The following MOXD1 variants were observed in gnomAD, a reference collection of about 807,000 sequenced individuals.
The protein encoded by MOXD1 is DBH-like monooxygenase protein 1.
A neutral mutation model predicts 66.6 loss-of-function variants in MOXD1; 62 were observed. That is an observed-to-expected ratio of 0.93 (90% CI 0.76 to 1.15). The LOEUF (loss-of-function observed/expected upper bound fraction) is 1.15, where lower values mean the gene tolerates loss of function less well. Among genes scored for constraint, MOXD1 ranks in the 50% most tolerant of loss-of-function variants. MOXD1 has a pLI of 0.00. For missense variants in MOXD1, 847 were observed against 754.6 expected, an observed-to-expected ratio of 1.12 and a Z score of -1.44; for synonymous variants, 303 against 281.9, an observed-to-expected ratio of 1.07 and a Z score of -0.75.
chr6:132,303,876 TATAC>T (rs1399106358), intron 10 of MOXD1, among the ~76,000 whole-genome samples: 101 of 45,020 alleles, frequency 2.2e-3, no homozygotes, highest in African/African-American at 0.018. Flanking sequence ...TATATATATA[TATAC>T]ATATATACAT....
intron 4 of MOXD1, among the ~76,000 whole-genome samples, chr6:132,357,138 G>C (rs1411489487): frequency 1.3e-5 from 2 of 152,020 alleles, no homozygotes; most frequent in African/African-American, 4.8e-5. Flanking sequence ...AGCCAGTCCA[G>C]AAGCACATCA....
intron 4 of MOXD1, among the ~76,000 whole-genome samples, chr6:132,349,422 CATATATATATATACATATATATATAT>C: frequency 2.7e-5 from 1 of 36,934 alleles, no homozygotes; most frequent in Admixed American, 3.3e-4. Flanking sequence ...TATATATATA[CATATATATATATACATATATATATAT>C]ATACATATAT....
chr6:132,346,737 G>A (rs547978802), intron 4 of MOXD1, among the ~76,000 whole-genome samples: 43 of 152,134 alleles, frequency 2.8e-4, no homozygotes, highest in Non-Finnish European at 5.0e-4. Context: ...TTCCATGTAC[G>A]ATCTGCAAGT....
At chr6:132,385,072 G>A (rs1776598654) in intron 1 of MOXD1, among the ~76,000 whole-genome samples, 1 of 152,134 alleles carries the variant, frequency 6.6e-6, no homozygotes, top group South Asian at 2.1e-4. Flanking sequence ...ACTTGACGAT[G>A]GGTTTTATAT....
intron 4 of MOXD1, among the ~76,000 whole-genome samples, chr6:132,358,940 T>TA (rs924897110): frequency 4.6e-5 from 7 of 152,178 alleles, no homozygotes; most frequent in Middle Eastern, 3.4e-3. Flanking sequence ...ACCTTTTCTA[T>TA]AAAAAAACCC....
chr6:132,376,792 C>T (rs1776388709), intron 1 of MOXD1, among the ~76,000 whole-genome samples: 1 of 60,780 alleles, frequency 1.6e-5, no homozygotes, highest in Non-Finnish European at 2.4e-5. Context: ...GGATTACAGG[C>T]GTGAGCCACC....
intron 4 of MOXD1, among the ~76,000 whole-genome samples, chr6:132,352,239 C>T (rs191691097): frequency 6.6e-6 from 1 of 152,176 alleles, no homozygotes; most frequent in East Asian, 1.9e-4. Context: ...TCAGTTTGTG[C>T]TCTTTCAGTC....
chr6:132,312,136 C>T (rs1487863034), intron 10 of MOXD1, among the ~76,000 whole-genome samples: 1 of 151,716 alleles, frequency 6.6e-6, no homozygotes, highest in African/African-American at 2.4e-5. Flanking sequence ...TTCCTTAAGA[C>T]TTGCCAGATC....
chr6:132,328,620 G>A (rs900400561), intron 4 of MOXD1, 26 bp from the exon 5 acceptor site: 4 of 1,606,412 alleles, frequency 2.5e-6, no homozygotes, highest in Non-Finnish European at 3.4e-6. Context: ...TGAGAGGGAG[G>A]ACACAATAAA....
chr6:132,333,604 T>C (rs1458364881), intron 4 of MOXD1, among the ~76,000 whole-genome samples: 1 of 152,198 alleles, frequency 6.6e-6, no homozygotes, highest in Admixed American at 6.5e-5. Flanking sequence ...GGCTGTATGA[T>C]GGCAGAAGAA....
At chr6:132,315,843 G>C (rs965646826) in intron 9 of MOXD1, 66 bp from the exon 10 acceptor site, 2 of 1,458,106 alleles carry the variant, frequency 1.4e-6, no homozygotes, top group Non-Finnish European at 1.9e-6. Context: ...AAGCACACAA[G>C]TCATTAATGT....
intron 1 of MOXD1, among the ~76,000 whole-genome samples, chr6:132,386,467 G>T (rs1384465641): frequency 6.8e-6 from 1 of 146,730 alleles, no homozygotes; most frequent in African/African-American, 2.5e-5. Flanking sequence ...CGGGAAAAGA[G>T]ATGAAATAAT....
chr6:132,312,468 T>C (rs370498481), intron 10 of MOXD1, among the ~76,000 whole-genome samples: 2 of 152,168 alleles, frequency 1.3e-5, no homozygotes, highest in East Asian at 3.8e-4. Context: ...CACTATCACT[T>C]ATGTCACTGT....
chr6:132,307,046 A>G (rs1288157210), intron 10 of MOXD1, among the ~76,000 whole-genome samples: 2 of 152,234 alleles, frequency 1.3e-5, no homozygotes, highest in Admixed American at 6.5e-5. Flanking sequence ...TAAATGGGCT[A>G]AAGGCCCCAA....
At chr6:132,307,194 G>GA (rs200923999) in intron 10 of MOXD1, among the ~76,000 whole-genome samples, 3 of 149,848 alleles carry the variant, frequency 2.0e-5, no homozygotes, top group Non-Finnish European at 3.0e-5. Flanking sequence ...CAAATTGAAA[G>GA]AAAAAAAAAG....
chr6:132,395,213 TA>T (rs1354069509), intron 1 of MOXD1, among the ~76,000 whole-genome samples: 5 of 152,120 alleles, frequency 3.3e-5, no homozygotes, highest in African/African-American at 1.2e-4. Context: ...TTATTCTTTA[TA>T]AAATGAAAGA....
At chr6:132,333,492 G>A (rs1362677167) in intron 4 of MOXD1, among the ~76,000 whole-genome samples, 1 of 151,976 alleles carries the variant, frequency 6.6e-6, no homozygotes, top group Non-Finnish European at 1.5e-5. Flanking sequence ...AAAATTGTAC[G>A]AATTATTAAA....
chr6:132,328,660 A>T, intron 4 of MOXD1, 66 bp from the exon 5 acceptor site: 1 of 1,416,006 alleles, frequency 7.1e-7, no homozygotes, highest in Non-Finnish European at 9.7e-7. Context: ...CCCACAACAA[A>T]CGTGAAACTA....
chr6:132,303,407 T>C (rs1184514659), intron 10 of MOXD1, among the ~76,000 whole-genome samples: 2 of 152,044 alleles, frequency 1.3e-5, no homozygotes, highest in Admixed American at 1.3e-4. Flanking sequence ...GGACTGAGGA[T>C]AGCAAAATCT....
Sources: gnomAD v4.1 joint callset for allele counts (sites outside exome capture counted in the v4.1 genomes callset) on GRCh38, gnomAD v4.1.1 for gene constraint, MANE v1.5 for transcripts, NCBI Gene and HGNC (gene_info 2026-07-23, HGNC 2026-07-21) for gene names.